The following CIMAP1A variants were observed in gnomAD, a reference collection of about 807,000 sequenced individuals.
CIMAP1A encodes cancer/testis antigen 135.
chr11:198,894 G>A, the CIMAP1A span: 1 of 1,256,922 alleles, frequency 8.0e-7, no homozygotes, highest in Non-Finnish European at 1.0e-6. Context: ...AAGAGGAGGA[G>A]GAAAAAATAA....
the CIMAP1A span, chr11:197,624 T>A: frequency 6.2e-7 from 1 of 1,613,486 alleles, no homozygotes; most frequent in Non-Finnish European, 8.5e-7. Flanking sequence ...GGGGCCCCCA[T>A]GCTCCTGGCA....
chr11:200,029 A>G, the CIMAP1A span: 15 of 1,613,830 alleles, frequency 9.3e-6, no homozygotes, highest in Middle Eastern at 1.6e-4. Context: ...GTTGATGTGG[A>G]ATAACGCCAG....
At chr11:196,943 C>T in the CIMAP1A span, 1 of 174,764 alleles carries the variant, frequency 5.7e-6, no homozygotes, top group Non-Finnish European at 1.2e-5. Flanking sequence ...CCCAGGCGGC[C>T]CCCTCCCTGC....
At chr11:197,163 C>A in the CIMAP1A span, 3 of 481,464 alleles carry the variant, frequency 6.2e-6, no homozygotes, top group East Asian at 3.3e-5. Flanking sequence ...AGCTGGAGAT[C>A]CCCACTGATG....
At chr11:198,384 G>A in the CIMAP1A span, 1 of 1,613,188 alleles carries the variant, frequency 6.2e-7, no homozygotes. Flanking sequence ...CCCGACGGCT[G>A]ATCTCCAGAG....
the CIMAP1A span, chr11:198,231 G>A: frequency 2.5e-4 from 396 of 1,614,006 alleles, 4 homozygotes; most frequent in Middle Eastern, 2.5e-3. Flanking sequence ...CACCAAGTAC[G>A]TGTTCGACTC....
At chr11:197,383 G>T in the CIMAP1A span, 1 of 1,600,602 alleles carries the variant, frequency 6.2e-7, no homozygotes, top group East Asian at 2.3e-5. Flanking sequence ...CAGCAGCCCT[G>T]GACCCAAGTA....
the CIMAP1A span, chr11:199,743 A>G: frequency 7.0e-7 from 1 of 1,435,982 alleles, no homozygotes; most frequent in South Asian, 1.5e-5. Context: ...CTTCAGGGAC[A>G]TGGAAGCAGA....
chr11:198,760 C>A, the CIMAP1A span: 5 of 1,442,330 alleles, frequency 3.5e-6, no homozygotes, highest in Non-Finnish European at 4.5e-6. Flanking sequence ...TGAGGAGGGG[C>A]AGGCAACAGG....
chr11:198,916 T>C, the CIMAP1A span: 10 of 1,209,522 alleles, frequency 8.3e-6, no homozygotes, highest in Non-Finnish European at 9.3e-6. Context: ...CCATGAGCTA[T>C]TTGGGGGAGG....
chr11:197,425 A>G, the CIMAP1A span: 2 of 1,599,328 alleles, frequency 1.3e-6, no homozygotes, highest in Non-Finnish European at 8.5e-7. Context: ...TAAGAGCCTG[A>G]GAGACTGTGG....
the CIMAP1A span, chr11:197,461 G>A: frequency 6.3e-7 from 1 of 1,593,236 alleles, no homozygotes; most frequent in Non-Finnish European, 8.6e-7. Context: ...CAGGCGGGCA[G>A]GTGGGGGTCC....
At chr11:197,542 G>C in the CIMAP1A span, 1 of 1,612,044 alleles carries the variant, frequency 6.2e-7, no homozygotes, top group Non-Finnish European at 8.5e-7. Flanking sequence ...GGGCTGCTCA[G>C]GGCCCATTGC....
the CIMAP1A span, chr11:199,965 G>A: frequency 9.3e-6 from 15 of 1,613,946 alleles, no homozygotes; most frequent in East Asian, 1.6e-4. Flanking sequence ...CAAGCCCTGC[G>A]CCCCAGTTGT....
At chr11:199,652 G>A in the CIMAP1A span, 6 of 1,423,934 alleles carry the variant, frequency 4.2e-6, no homozygotes, top group Non-Finnish European at 5.5e-6. Context: ...GCCAAGAAGG[G>A]GTGGAGGGGT....
chr11:199,200 G>C, the CIMAP1A span: 15 of 1,438,738 alleles, frequency 1.0e-5, no homozygotes, highest in Non-Finnish European at 1.3e-5. Flanking sequence ...TACCCCACAA[G>C]CAGTGGGGTG....
the CIMAP1A span, chr11:198,344 A>T: frequency 6.2e-7 from 1 of 1,613,492 alleles, no homozygotes; most frequent in East Asian, 2.2e-5. Context: ...GGACCTGGGG[A>T]TCCTGGGTGG....
the CIMAP1A span, chr11:199,635 G>A: frequency 7.5e-7 from 1 of 1,339,610 alleles, no homozygotes; most frequent in Non-Finnish European, 9.7e-7. Context: ...GGCTATGGAA[G>A]GACACAGCCA....
the CIMAP1A span, chr11:198,399 G>C: frequency 6.2e-7 from 1 of 1,613,168 alleles, no homozygotes; most frequent in Non-Finnish European, 8.5e-7. Flanking sequence ...CCAGAGTTGG[G>C]GGAGAGCCCC....
Sources: gnomAD v4.1 joint callset for allele counts on GRCh38, gnomAD v4.1.1 for gene constraint, MANE v1.5 for transcripts, NCBI Gene and HGNC (gene_info 2026-07-23, HGNC 2026-07-21) for gene names.